The following SLC60A1 variants were observed in gnomAD, a reference collection of about 807,000 sequenced individuals.
SLC60A1 encodes the protein solute carrier family 60 member 1, also known as major facilitator superfamily domain containing 4.
At chr1:205,582,454 G>A in the SLC60A1 span, among the ~76,000 whole-genome samples, 2 of 152,204 alleles carry the variant, frequency 1.3e-5, no homozygotes, top group African/African-American at 4.8e-5. Flanking sequence ...GACTTTTAAG[G>A]TGGGGCTGCC....
At chr1:205,583,869 T>C in the SLC60A1 span, 1 of 1,475,962 alleles carries the variant, frequency 6.8e-7, no homozygotes, top group Non-Finnish European at 9.0e-7. Flanking sequence ...CTCCCAGGAC[T>C]ATGCACATGC....
chr1:205,593,006 A>G, the SLC60A1 span, among the ~76,000 whole-genome samples: 4 of 152,202 alleles, frequency 2.6e-5, no homozygotes, highest in Non-Finnish European at 1.5e-5. Flanking sequence ...CAGGAGTCAC[A>G]CAGCCTCTTT....
At chr1:205,600,079 G>T in the SLC60A1 span, 1 of 226,590 alleles carries the variant, frequency 4.4e-6, no homozygotes. Flanking sequence ...CCTCACTTCT[G>T]AGACAGCAGT....
chr1:205,596,245 C>T, the SLC60A1 span, among the ~76,000 whole-genome samples: 1 of 152,196 alleles, frequency 6.6e-6, no homozygotes, highest in East Asian at 1.9e-4. Context: ...CCTGGGCTTC[C>T]AGCCTAGTGG....
chr1:205,574,713 C>A, the SLC60A1 span, among the ~76,000 whole-genome samples: 2 of 152,040 alleles, frequency 1.3e-5, no homozygotes, highest in Admixed American at 6.5e-5. Flanking sequence ...CTGACTCTTG[C>A]GCGACAGGAG....
the SLC60A1 span, among the ~76,000 whole-genome samples, chr1:205,595,515 G>C: frequency 1.3e-5 from 2 of 151,404 alleles, no homozygotes; most frequent in African/African-American, 2.4e-5. Context: ...TTTGTACCTA[G>C]GTTATCTGCT....
At chr1:205,588,315 C>CA in the SLC60A1 span, among the ~76,000 whole-genome samples, 1 of 151,840 alleles carries the variant, frequency 6.6e-6, no homozygotes, top group East Asian at 1.9e-4. Flanking sequence ...ACTAAAAATA[C>CA]AAAAATTAGC....
the SLC60A1 span, among the ~76,000 whole-genome samples, chr1:205,575,918 C>T: frequency 1.3e-5 from 2 of 152,120 alleles, no homozygotes; most frequent in Non-Finnish European, 2.9e-5. Context: ...AGACCAATGC[C>T]ACTCTGCCAC....
chr1:205,586,143 G>A, the SLC60A1 span: 2 of 1,613,786 alleles, frequency 1.2e-6, no homozygotes, highest in East Asian at 2.2e-5. Context: ...ATCACACTGG[G>A]CCGGCTCCTC....
the SLC60A1 span, chr1:205,579,774 T>C: frequency 6.2e-7 from 1 of 1,614,122 alleles, no homozygotes; most frequent in Non-Finnish European, 8.5e-7. Context: ...CTATGGGCCC[T>C]GTTCACCTCC....
At chr1:205,586,270 C>T in the SLC60A1 span, 2 of 1,573,002 alleles carry the variant, frequency 1.3e-6, no homozygotes, top group East Asian at 4.5e-5. Flanking sequence ...CTCCTCCTGG[C>T]CCTACCCCAG....
At chr1:205,592,259 C>G in the SLC60A1 span, 1 of 1,614,154 alleles carries the variant, frequency 6.2e-7, no homozygotes, top group Non-Finnish European at 8.5e-7. Flanking sequence ...GCATGCTGGC[C>G]TACACGGAGG....
At chr1:205,582,577 T>G in the SLC60A1 span, among the ~76,000 whole-genome samples, 1 of 152,206 alleles carries the variant, frequency 6.6e-6, no homozygotes, top group African/African-American at 2.4e-5. Context: ...ACCTGAGCGA[T>G]CACGCCTCTT....
the SLC60A1 span, among the ~76,000 whole-genome samples, chr1:205,572,976 A>G: frequency 6.6e-6 from 1 of 152,256 alleles, no homozygotes; most frequent in Non-Finnish European, 1.5e-5. Context: ...AACGTGGTTT[A>G]TCCAGCCAGG....
chr1:205,593,042 G>A, the SLC60A1 span, among the ~76,000 whole-genome samples: 15 of 152,014 alleles, frequency 9.9e-5, no homozygotes, highest in Non-Finnish European at 1.8e-4. Context: ...TAATTCTCTC[G>A]ACTAATCTCC....
the SLC60A1 span, among the ~76,000 whole-genome samples, chr1:205,589,522 AT>A: frequency 1.3e-5 from 2 of 152,196 alleles, no homozygotes; most frequent in African/African-American, 4.8e-5. Flanking sequence ...TCACAGATAC[AT>A]TTATTCATGC....
the SLC60A1 span, chr1:205,592,178 C>T: frequency 6.2e-7 from 1 of 1,614,174 alleles, no homozygotes; most frequent in Non-Finnish European, 8.5e-7. Flanking sequence ...TGCTTATTTT[C>T]TCCTACAACG....
the SLC60A1 span, among the ~76,000 whole-genome samples, chr1:205,570,417 C>T: frequency 7.9e-6 from 1 of 127,148 alleles, no homozygotes; most frequent in Non-Finnish European, 1.7e-5. Context: ...AGAGAAACCT[C>T]TGGAGGGGCC....
chr1:205,588,516 C>G, the SLC60A1 span, among the ~76,000 whole-genome samples: 3 of 150,942 alleles, frequency 2.0e-5, no homozygotes, highest in Non-Finnish European at 4.4e-5. Flanking sequence ...ATCATGGACC[C>G]CTACCCCAGA....
Sources: allele counts gnomAD v4.1 joint callset (sites outside exome capture counted in the v4.1 genomes callset), GRCh38; gene constraint gnomAD v4.1.1; transcripts MANE v1.5; gene names NCBI Gene and HGNC (gene_info 2026-07-23, HGNC 2026-07-21).